The following PALD1 variants were observed in gnomAD, a reference collection of about 807,000 sequenced individuals.
The protein encoded by PALD1 is phosphatase domain containing paladin 1.
A neutral mutation model predicts 96.0 loss-of-function variants in PALD1; 57 were observed. That is an observed-to-expected ratio of 0.59 (90% confidence interval 0.48 to 0.74). The LOEUF (loss-of-function observed/expected upper bound fraction) is 0.74, where lower values mean the gene tolerates loss of function less well. PALD1 is among the 30% of genes least tolerant of loss of function. PALD1 has a pLI of 0.00. For missense variants in PALD1, 1,063 were observed against 1,143.7 expected (o/e 0.93, Z 1.02); for synonymous variants, 464 against 473.6 (o/e 0.98, Z 0.26).
intron 1 of PALD1, among the ~76,000 whole-genome samples, chr10:70,508,860 G>GTGTGTGTGTGTGTGTGT (rs1846458317): frequency 3.8e-4 from 2 of 5,294 alleles, no homozygotes; most frequent in African/African-American, 1.3e-3. Flanking sequence ...TGTGTGTGCA[G>GTGTGTGTGTGTGTGTGT]GCCTGTGGGA....
intron 1 of PALD1, among the ~76,000 whole-genome samples, chr10:70,500,598 T>C (rs1260657828): frequency 6.6e-6 from 1 of 152,224 alleles, no homozygotes; most frequent in African/African-American, 2.4e-5. Context: ...CTGTTCCTTT[T>C]TCGGGAAGCC....
chr10:70,541,019 G>T (rs1015133911), intron 15 of PALD1, 83 bp from the exon 16 acceptor site: 62 of 1,444,090 alleles, frequency 4.3e-5, no homozygotes, highest in Non-Finnish European at 5.8e-5. Context: ...CAGTGGCTGG[G>T]GCTGCCATGT....
At chr10:70,524,115 G>C (rs975183000) in intron 1 of PALD1, among the ~76,000 whole-genome samples, 1 of 152,220 alleles carries the variant, frequency 6.6e-6, no homozygotes, top group African/African-American at 2.4e-5. Context: ...AGTCCCTACT[G>C]ATGTGGAGCA....
intron 17 of PALD1, among the ~76,000 whole-genome samples, chr10:70,546,104 G>T (rs1177737930): frequency 6.6e-6 from 1 of 152,046 alleles, no homozygotes; most frequent in East Asian, 1.9e-4. Context: ...GGGTGCGGTG[G>T]CAGGTGCCTG....
chr10:70,487,740 G>A (rs988522154), intron 1 of PALD1, among the ~76,000 whole-genome samples: 1 of 151,690 alleles, frequency 6.6e-6, no homozygotes, highest in Non-Finnish European at 1.5e-5. Context: ...GTTGAGATAT[G>A]TGCACCATAA....
At chr10:70,478,314 GC>G (rs1300851191), upstream of PALD1, among the ~76,000 whole-genome samples, 3 of 152,192 alleles carry the variant, frequency 2.0e-5, no homozygotes, top group Non-Finnish European at 4.4e-5. Context: ...AGCGAGGCCG[GC>G]CCGGAGCCCG....
chr10:70,566,541 C>T lies in PALD1; in HGVS notation c.2419-40C>T, dbSNP rs1173582346. Reference sequence around the variant, plus strand: ...CTCAGTGGCCTTAGTGGCACCCTCCCTCCCCTGAAACACTGCTCCTGCCTC... The same window carrying T: ...CTCAGTGGCCTTAGTGGCACCCTCCTTCCCCTGAAACACTGCTCCTGCCTC... On this transcript the variant is annotated intron_variant, in intron 19 of 19. Transcript: ENST00000263563. The T allele has an allele frequency of 5.2e-6, 8 of 1,541,046 alleles. No individual in the cohort carries two copies. The East Asian group carries it at 1.9e-4, about 36-fold the overall frequency.
intron 10 of PALD1, among the ~76,000 whole-genome samples, chr10:70,536,831 C>T (rs763694736): frequency 1.3e-5 from 2 of 152,218 alleles, no homozygotes; most frequent in Non-Finnish European, 2.9e-5. Context: ...ACTTGAATCT[C>T]ACTTGCCCTC....
intron 10 of PALD1, among the ~76,000 whole-genome samples, chr10:70,535,543 C>CTCCTCCTCCTTCCTCCTCCTTCTCTTCCT (rs1847095084): frequency 7.4e-6 from 1 of 135,946 alleles, no homozygotes; most frequent in African/African-American, 3.0e-5. Flanking sequence ...CTCTTCTTTC[C>CTCCTCCTCCTTCCTCCTCCTTCTCTTCCT]TCCTCCTCCT....
chr10:70,539,449 C>T lies in PALD1; in HGVS notation c.1726-131C>T. ...TTGGCTTTGGGGGGTGGCTGTGACC[C>T]CTGAGGCTTGGGGGGGTCAGGGATG... On this transcript the variant is annotated intron_variant, in intron 14 of 19. Coordinates refer to ENST00000263563, the MANE Select transcript of PALD1 (RefSeq NM_014431.3). The surrounding 1 kb of genome is among the most constrained non-coding windows in gnomAD (Gnocchi z 4.5). 9.5e-7 allele frequency: 1 copy of T among 1,057,188 alleles called. No homozygotes were observed. The highest frequency in any genetic ancestry group is 1.3e-6 in the Non-Finnish European group (1 of 751,450). 65.5% of individuals were successfully genotyped at this position (1,057,188 alleles called of 1,614,324 possible). A position where few individuals can be genotyped will look rare whatever the true frequency, so the allele number is the denominator to read the frequency against.
At chr10:70,543,665 C>T (rs1026336353) in intron 17 of PALD1, among the ~76,000 whole-genome samples, 2 of 152,128 alleles carry the variant, frequency 1.3e-5, no homozygotes, top group Non-Finnish European at 2.9e-5. Flanking sequence ...AGGGTCTTGG[C>T]ACCCTTGTTG....
the PALD1 span, among the ~76,000 whole-genome samples, chr10:70,463,218 C>A: frequency 3.9e-5 from 6 of 152,146 alleles, no homozygotes; most frequent in Non-Finnish European, 8.8e-5. Flanking sequence ...TCCTGGCTAA[C>A]ACGGTGAAAA....
chr10:70,480,268 G>T (rs1263534117), intron 1 of PALD1, among the ~76,000 whole-genome samples: 1 of 152,224 alleles, frequency 6.6e-6, no homozygotes, highest in Non-Finnish European at 1.5e-5. Context: ...CTGAGCACAG[G>T]ACACTCCTAG....
At chr10:70,507,995 G>A (rs771954036) in intron 1 of PALD1, among the ~76,000 whole-genome samples, 14 of 152,206 alleles carry the variant, frequency 9.2e-5, no homozygotes, top group African/African-American at 2.9e-4. Context: ...GGGAAGGCAC[G>A]GAGGGGAGGA....
intron 2 of PALD1, among the ~76,000 whole-genome samples, chr10:70,526,725 T>G (rs1336267793): frequency 1.3e-5 from 2 of 152,028 alleles, no homozygotes; most frequent in Non-Finnish European, 2.9e-5. Context: ...AAGGGGTGGG[T>G]GCTGGAGAGC....
Position 70,529,214 on chromosome 10 carries a change from C to CAA in PALD1, c.186-15_186-14insAA. 9.9e-6 allele frequency: 2 copies of CAA among 202,846 alleles called. No individual in the cohort carries two copies. The highest frequency in any genetic ancestry group is 4.2e-5 in the South Asian group (1 of 23,638). The allele number at this position is 202,846 out of a possible 1,614,324, so 12.6% of individuals were successfully genotyped here. A position where few individuals can be genotyped will look rare whatever the true frequency, so the allele number is the denominator to read the frequency against. ...TTGACTCAGTTTCCATTCTGCCCCC[C>CAA]CCCCCCCCCCCCAGGTACAACTGCA... On this transcript the variant is annotated splice_polypyrimidine_tract_variant and intron_variant, in intron 2 of 19. Coordinates refer to ENST00000263563, the MANE Select transcript of PALD1 (RefSeq NM_014431.3).
At chr10:70,548,154 A>G (rs1470467620) in intron 18 of PALD1, among the ~76,000 whole-genome samples, 1 of 151,990 alleles carries the variant, frequency 6.6e-6, no homozygotes. Flanking sequence ...GAAATACAAA[A>G]ATTAGCCGGG....
chr10:70,562,347 A>G (rs533569167), intron 18 of PALD1, among the ~76,000 whole-genome samples: 54 of 152,228 alleles, frequency 3.5e-4, no homozygotes, highest in African/African-American at 1.3e-3. Flanking sequence ...GCGACCCTGG[A>G]GGCAAAGACA....
At chr10:70,466,155 G>C in the PALD1 span, among the ~76,000 whole-genome samples, 1 of 152,220 alleles carries the variant, frequency 6.6e-6, no homozygotes, top group South Asian at 2.1e-4. Flanking sequence ...GCCTTTTGTT[G>C]GAGGAGGACA....
Sources: gnomAD v4.1 joint callset for allele counts (sites outside exome capture counted in the v4.1 genomes callset) on GRCh38, gnomAD v4.1.1 for gene constraint, Gnocchi (gnomAD v3.1) non-coding constraint, MANE v1.5 for transcripts, NCBI Gene and HGNC (gene_info 2026-07-23, HGNC 2026-07-21) for gene names.